The following INSL6 variants were observed in gnomAD, a reference collection of about 807,000 sequenced individuals.
INSL6 encodes the protein insulin-like peptide INSL6.
In INSL6, 16 loss-of-function variants were observed where a neutral mutation model predicts 9.4. The ratio of observed to expected loss-of-function variants is 1.70; its 90% CI spans 1.15 to 2.59. The LOEUF is 2.59. Among genes scored for constraint, INSL6 ranks in the 30% most tolerant of loss-of-function variants. INSL6 has a pLI of 0.00. For missense variants in INSL6, 391 were observed against 257.3 expected (o/e 1.52, Z -3.56); for synonymous variants, 154 against 96.9 (o/e 1.59, Z -3.46).
chr9:5,005,467 T>C, the INSL6 span, among the ~76,000 whole-genome samples: 1 of 152,200 alleles, frequency 6.6e-6, no homozygotes, highest in Non-Finnish European at 1.5e-5. Context: ...AAATCTGGTA[T>C]AATGATTGAT....
At chr9:5,096,150 T>A in the INSL6 span, among the ~76,000 whole-genome samples, 1 of 152,148 alleles carries the variant, frequency 6.6e-6, no homozygotes, top group Non-Finnish European at 1.5e-5. Flanking sequence ...CCACATCCAA[T>A]AATACGAAAA....
intron 3 of INSL6, among the ~76,000 whole-genome samples, chr9:5,129,709 A>C (rs573854936): frequency 6.6e-6 from 1 of 152,252 alleles, no homozygotes; most frequent in South Asian, 2.1e-4. Flanking sequence ...TTTAATATCA[A>C]GATAACTAGC....
chr9:5,056,217 C>G, the INSL6 span, among the ~76,000 whole-genome samples: 1 of 152,030 alleles, frequency 6.6e-6, no homozygotes, highest in Non-Finnish European at 1.5e-5. Flanking sequence ...AAATCAATCC[C>G]AGGTCAGCCC....
At chr9:5,000,613 G>C in the INSL6 span, among the ~76,000 whole-genome samples, 1 of 151,982 alleles carries the variant, frequency 6.6e-6, no homozygotes, top group African/African-American at 2.4e-5. Context: ...TAAACTTTTT[G>C]AGCTTATGTT....
the INSL6 span, among the ~76,000 whole-genome samples, chr9:5,035,996 C>A: frequency 3.9e-5 from 6 of 152,150 alleles, no homozygotes; most frequent in Non-Finnish European, 8.8e-5. Context: ...CGTCTCAGCC[C>A]AAAATCTCCT....
chr9:5,080,975 A>G, the INSL6 span, among the ~76,000 whole-genome samples: 1 of 143,718 alleles, frequency 7.0e-6, no homozygotes, highest in Non-Finnish European at 1.5e-5. Flanking sequence ...GGCTCACTGC[A>G]AGCTCCACCT....
At chr9:5,145,723 G>A (rs1226460266) in intron 2 of INSL6, among the ~76,000 whole-genome samples, 2 of 152,042 alleles carry the variant, frequency 1.3e-5, no homozygotes, top group African/African-American at 4.8e-5. Context: ...CAGGCTCTGA[G>A]GTTCTTTCCT....
At chr9:5,009,668 A>T in the INSL6 span, among the ~76,000 whole-genome samples, 12 of 152,142 alleles carry the variant, frequency 7.9e-5, no homozygotes, top group Non-Finnish European at 1.6e-4. Flanking sequence ...TCCTAACTGT[A>T]ATAATCCTTG....
the INSL6 span, chr9:5,050,567 G>A: frequency 2.9e-6 from 3 of 1,044,330 alleles, no homozygotes; most frequent in Non-Finnish European, 4.1e-6. Context: ...CACTGAGCCT[G>A]GCCAATTTGT....
chr9:5,115,525 T>C, the INSL6 span, among the ~76,000 whole-genome samples: 16 of 152,172 alleles, frequency 1.1e-4, no homozygotes, highest in Admixed American at 7.9e-4. Context: ...GATCCAGAGT[T>C]AGAAATACCA....
downstream of INSL6, chr9:5,163,822 C>T (rs1049390357): frequency 1.1e-5 from 9 of 816,764 alleles, no homozygotes; most frequent in South Asian, 6.4e-5. Context: ...ACATTTTTCA[C>T]ATCATATCAC....
chr9:5,048,595 C>T, the INSL6 span, among the ~76,000 whole-genome samples: 2,819 of 151,834 alleles, frequency 0.019, 27 homozygotes, highest in Middle Eastern at 0.034. Context: ...GTCTCCTACC[C>T]TGAATTAATT....
chr9:5,123,001 C>A, downstream of INSL6: 3 of 1,585,020 alleles, frequency 1.9e-6, no homozygotes, highest in Non-Finnish European at 2.6e-6. Flanking sequence ...CATATATTTA[C>A]AGGTATGCTC....
the INSL6 span, chr9:5,112,217 G>A: frequency 3.6e-6 from 1 of 276,506 alleles, no homozygotes; most frequent in Non-Finnish European, 7.2e-6. Flanking sequence ...CTGCTGGTGG[G>A]GGCAGCACGC....
chr9:5,113,259 CTT>C, the INSL6 span, among the ~76,000 whole-genome samples: 1 of 126,834 alleles, frequency 7.9e-6, no homozygotes, highest in Non-Finnish European at 1.6e-5. Context: ...AAAACATACA[CTT>C]TGTCAGAAAA....
At chr9:5,085,845 A>T in the INSL6 span, 18 of 765,910 alleles carry the variant, frequency 2.4e-5, no homozygotes, top group Admixed American at 3.5e-5. Context: ...TTTTACATCA[A>T]AGTAGTACTC....
downstream of INSL6, chr9:5,122,906 A>C: frequency 1.3e-6 from 1 of 741,656 alleles, no homozygotes; most frequent in Non-Finnish European, 2.1e-6. Flanking sequence ...TCTTTTCTCT[A>C]CATGTTTTTT....
At chr9:5,033,099 G>A in the INSL6 span, among the ~76,000 whole-genome samples, 1 of 152,192 alleles carries the variant, frequency 6.6e-6, no homozygotes, top group Non-Finnish European at 1.5e-5. Context: ...CGTGATGAAT[G>A]CACAAGCCTC....
At chr9:5,050,659 A>G in the INSL6 span, 19 of 1,598,344 alleles carry the variant, frequency 1.2e-5, no homozygotes, top group East Asian at 2.5e-4. Context: ...TTACGATGAG[A>G]TATTTCCTTC....
Sources: gnomAD v4.1 joint callset for allele counts (sites outside exome capture counted in the v4.1 genomes callset) on GRCh38, gnomAD v4.1.1 for gene constraint, MANE v1.5 for transcripts, NCBI Gene and HGNC (gene_info 2026-07-23, HGNC 2026-07-21) for gene names.